The following DLG1 variants were observed in gnomAD, a reference collection of about 807,000 sequenced individuals.
The protein encoded by DLG1 is discs large MAGUK scaffold protein 1.
In DLG1, 42 loss-of-function variants were observed where a neutral mutation model predicts 123.4. The observed-to-expected ratio is 0.34, with a 90% CI of 0.27 to 0.44. The LOEUF is 0.44. Among genes scored for constraint, DLG1 ranks in the 20% least tolerant of loss-of-function variants. The probability of loss-of-function intolerance (pLI) is 1.00; values close to 1 mark genes in which losing one functional copy is unlikely to be tolerated. For missense variants in DLG1, 942 were observed against 1,082.6 expected (o/e 0.87, Z 1.82); for synonymous variants, 317 against 356.2 (o/e 0.89, Z 1.24).
At chr3:197,060,353 G>A (rs1009054014) in intron 22 of DLG1, among the ~76,000 whole-genome samples, 1 of 151,942 alleles carries the variant, frequency 6.6e-6, no homozygotes, top group African/African-American at 2.4e-5. Flanking sequence ...GGCTGGTCTT[G>A]AACTCCTGGG....
chr3:197,081,989 G>C (rs1751425516), intron 16 of DLG1, among the ~76,000 whole-genome samples: 2 of 152,140 alleles, frequency 1.3e-5, no homozygotes, highest in Admixed American at 1.3e-4. Flanking sequence ...ACCAAAACAA[G>C]ACTATGAATA....
At chr3:197,085,849 AAATAT>A (rs1754032005) in intron 15 of DLG1, 93 bp from the exon 16 acceptor site, 6 of 1,216,490 alleles carry the variant, frequency 4.9e-6, no homozygotes, top group Non-Finnish European at 6.8e-6. Flanking sequence ...TTGGGTAATT[AAATAT>A]ATCATAGTAG....
intron 4 of DLG1, among the ~76,000 whole-genome samples, chr3:197,248,117 C>G (rs973988002): frequency 6.6e-6 from 1 of 152,180 alleles, no homozygotes; most frequent in African/African-American, 2.4e-5. Flanking sequence ...CTTTCAACCT[C>G]CAAGATAACC....
intron 4 of DLG1, among the ~76,000 whole-genome samples, chr3:197,204,154 A>T (rs573029330): frequency 1.3e-5 from 2 of 152,328 alleles, no homozygotes; most frequent in South Asian, 4.1e-4. Flanking sequence ...AAATTATGTG[A>T]ATCAGTGTGA....
chr3:197,294,751 T>C (rs969563972), intron 3 of DLG1, among the ~76,000 whole-genome samples: 8 of 150,580 alleles, frequency 5.3e-5, no homozygotes, highest in Admixed American at 4.6e-4. Context: ...CAAGGCAGAA[T>C]AGGTCAAAAA....
chr3:197,235,054 A>G (rs543519510), intron 4 of DLG1, among the ~76,000 whole-genome samples: 2 of 152,262 alleles, frequency 1.3e-5, no homozygotes, highest in East Asian at 3.9e-4. Flanking sequence ...CTAGAAAACT[A>G]GAAAAAAAAT....
At position 197,068,643 on chromosome 3, in the gene DLG1, CTG is replaced by C. The variant is rs1483450160; in HGVS notation, c.2047+574_2047+575del. 1.3e-5 allele frequency: 9 copies of C among 699,590 alleles called. 1 individual carries two copies. The Middle Eastern group carries it at 9.6e-4, about 74-fold the overall frequency. The allele number at this position is 699,590 out of a possible 1,614,324, so 43.3% of individuals were successfully genotyped here. ...CCCTCCCCTTCTCCCATGCCCAAGTCTGTTTTAAAACATCACATGCTTGTGCA... is the reference window on the plus strand; with the variant it reads ...CCCTCCCCTTCTCCCATGCCCAAGTCTTTTAAAACATCACATGCTTGTGCA... On this transcript the variant is annotated intron_variant, in intron 19 of 24. Coordinates refer to ENST00000667157, the MANE Select transcript of DLG1 (RefSeq NM_001366207.1).
intron 6 of DLG1, among the ~76,000 whole-genome samples, chr3:197,144,370 C>G (rs1789596188): frequency 6.6e-6 from 1 of 152,084 alleles, no homozygotes. Flanking sequence ...GGCCAAAAGC[C>G]CCAGCTACAC....
intron 10 of DLG1, among the ~76,000 whole-genome samples, chr3:197,132,580 A>G (rs1321073055): frequency 6.6e-6 from 1 of 152,006 alleles, no homozygotes; most frequent in Non-Finnish European, 1.5e-5. Flanking sequence ...AATACATATT[A>G]AATAGCTGTG....
intron 7 of DLG1, among the ~76,000 whole-genome samples, chr3:197,141,784 G>A (rs562009254): frequency 5.3e-5 from 8 of 152,044 alleles, no homozygotes; most frequent in African/African-American, 1.9e-4. Context: ...GTGCGATCTC[G>A]GCTCACTGCA....
chr3:197,296,961 G>GGA, intron 2 of DLG1: 1 of 554,812 alleles, frequency 1.8e-6, no homozygotes, highest in Non-Finnish European at 3.1e-6. Context: ...GTTGGGGGGG[G>GGA]GCTAACTGCC....
Position 197,044,544 on chromosome 3 carries a change from GA to G in DLG1, c.*78del. 1 of 934,896 alleles carries G rather than the reference GA, an allele frequency of 1.1e-6. No homozygotes were observed. Among genetic ancestry groups the G allele is most frequent in the Non-Finnish European group, 1.7e-6 (1 of 601,204 alleles). 57.9% of individuals were successfully genotyped at this position (934,896 alleles called of 1,614,324 possible). ...AATTCAACATGAAATCAGTACTCAA[GA>G]AAGACTCCAGAGGAAAGGGCAAAGA... On this transcript the variant is annotated 3_prime_UTR_variant, in exon 25 of 25. Coordinates refer to ENST00000667157, the MANE Select transcript of DLG1 (RefSeq NM_001366207.1).
At chr3:197,296,984 T>A in intron 2 of DLG1, 1 of 608,604 alleles carries the variant, frequency 1.6e-6, no homozygotes, top group East Asian at 3.3e-5. Flanking sequence ...TCTTAATCAC[T>A]AGAGAAATGT....
chr3:197,098,158 T>C (rs534806007), intron 14 of DLG1, among the ~76,000 whole-genome samples: 17 of 152,350 alleles, frequency 1.1e-4, no homozygotes, highest in African/African-American at 4.1e-4. Context: ...AGTTCCGAGT[T>C]CCTAGTTTCC....
At chr3:197,085,125 T>C (rs1233037892) in intron 16 of DLG1, among the ~76,000 whole-genome samples, 2 of 150,702 alleles carry the variant, frequency 1.3e-5, no homozygotes, top group African/African-American at 2.4e-5. Flanking sequence ...TTAATGATTT[T>C]ATATATATAT....
intron 20 of DLG1, 145 bp from the exon 21 acceptor site, chr3:197,065,954 T>A: frequency 1.8e-6 from 1 of 544,398 alleles, no homozygotes. Context: ...CAACCAAAGA[T>A]GCGTAACTTG....
chr3:197,220,752 T>C (rs1736565022), intron 4 of DLG1, among the ~76,000 whole-genome samples: 1 of 152,260 alleles, frequency 6.6e-6, no homozygotes, highest in East Asian at 1.9e-4. Flanking sequence ...AGAATACTGT[T>C]TTTCCTTTGG....
At chr3:197,093,454 T>C (rs1022347512) in intron 14 of DLG1, among the ~76,000 whole-genome samples, 32 of 152,198 alleles carry the variant, frequency 2.1e-4, no homozygotes, top group African/African-American at 7.0e-4. Flanking sequence ...AGCCAACATT[T>C]CTCTTCTTTC....
At chr3:197,236,292 AAC>A (rs1745915697) in intron 4 of DLG1, among the ~76,000 whole-genome samples, 1 of 152,154 alleles carries the variant, frequency 6.6e-6, no homozygotes, top group African/African-American at 2.4e-5. Context: ...CATCCTGGGC[AAC>A]AGAGTGAGAT....
Sources: gnomAD v4.1 joint callset for allele counts (sites outside exome capture counted in the v4.1 genomes callset) on GRCh38, gnomAD v4.1.1 for gene constraint, MANE v1.5 for transcripts, NCBI Gene and HGNC (gene_info 2026-07-23, HGNC 2026-07-21) for gene names.